The following MPC2 variants were observed in gnomAD, a reference collection of about 807,000 sequenced individuals.
MPC2 encodes brain protein 44.
MPC2 carries 19 observed loss-of-function variants against 19.2 expected under a neutral mutation model. The observed-to-expected ratio is 0.99, with a 90% confidence interval of 0.69 to 1.45. The LOEUF is 1.45. MPC2 is among the 40% of genes most tolerant of loss of function. The pLI is 0.00. For missense variants in MPC2, 122 were observed against 153.0 expected (o/e 0.80, Z 1.07); for synonymous variants, 61 against 54.3 (o/e 1.12, Z -0.54).
intron 1 of MPC2, 85 bp from the exon 2 acceptor site, chr1:167,935,983 C>T: frequency 1.5e-6 from 1 of 674,396 alleles, no homozygotes; most frequent in Non-Finnish European, 2.6e-6. Flanking sequence ...CCGCGGCTTT[C>T]CCTGCCCGCT....
intron 2 of MPC2, among the ~76,000 whole-genome samples, chr1:167,934,764 C>G (rs1175767035): frequency 1.3e-5 from 2 of 152,174 alleles, no homozygotes; most frequent in South Asian, 2.1e-4. Flanking sequence ...TTCAGTCTTT[C>G]AATTTACAAC....
intron 5 of MPC2, 102 bp from the exon 6 acceptor site, chr1:167,918,461 C>T (rs1670522802): frequency 7.0e-6 from 5 of 713,598 alleles, no homozygotes; most frequent in Non-Finnish European, 1.1e-5. Flanking sequence ...TCTTGGTGGT[C>T]AAGTAGCTAT....
At chr1:167,931,319 A>G (rs1670903275) in intron 2 of MPC2, among the ~76,000 whole-genome samples, 1 of 152,224 alleles carries the variant, frequency 6.6e-6, no homozygotes, top group South Asian at 2.1e-4. Flanking sequence ...CCTGAGTGCC[A>G]GAACAGTGTC....
Position 167,919,990 on chromosome 1 carries a change from A to G in MPC2, c.336T>C (p.Phe112=), listed in dbSNP as rs1308428788. 1 of 1,611,440 alleles carries G rather than the reference A, an allele frequency of 6.2e-7. No individual in the cohort carries two copies. Among genetic ancestry groups the G allele is most frequent in the Non-Finnish European group, 8.5e-7 (1 of 1,178,866 alleles). ...FVGAAGASQL[F]RIWRYNQELK... Reference sequence around the variant, plus strand: ...TCTGGTAGGCTTACCTCCAAATACGAAAAAGCTGAGAGGCTCCTGCTGCCC... The same window carrying G: ...TCTGGTAGGCTTACCTCCAAATACGGAAAAGCTGAGAGGCTCCTGCTGCCC... Residue 112 remains phenylalanine (F), a synonymous_variant, in exon 5 of 6, where the codon TTT becomes TTC. Transcript: ENST00000271373.
Position 167,917,703 on chromosome 1 carries a change from G to T in MPC2, c.*620C>A, listed in dbSNP as rs1280337093. ...ATTTTCTGCTACATTATCAGTTACT[G>T]AGGGTAATTGAAAAATTTAACACTT... On this transcript the variant is annotated 3_prime_UTR_variant, in exon 6 of 6. Coordinates refer to ENST00000271373, the MANE Select transcript of MPC2 (RefSeq NM_001143674.4). The T allele has an allele frequency of 6.6e-6, 1 of 151,794 alleles. No individual in the cohort carries two copies. The highest frequency in any genetic ancestry group is 1.5e-5 in the Non-Finnish European group (1 of 68,002). The allele number at this position is 151,794 out of a possible 1,614,324, so 9.4% of individuals were successfully genotyped here. A position where few individuals can be genotyped will look rare whatever the true frequency, so the allele number is the denominator to read the frequency against.
At chr1:167,924,384 G>C in intron 3 of MPC2, 113 bp downstream of exon 3, 2 of 786,092 alleles carry the variant, frequency 2.5e-6, no homozygotes, top group South Asian at 1.9e-5. Flanking sequence ...AAATCATCTA[G>C]AGGCATACCA....
At position 167,935,866 on chromosome 1, in the gene MPC2, C is replaced by A. The variant is rs1671142637; in HGVS notation, c.-25G>T. 1.3e-6 allele frequency: 2 copies of A among 1,524,230 alleles called. No individual in the cohort carries two copies. The highest frequency in any genetic ancestry group is 2.8e-5 in the African/African-American group (2 of 72,492). The allele number at this position is 1,524,230 out of a possible 1,614,324, so 94.4% of individuals were successfully genotyped here. A position where few individuals can be genotyped will look rare whatever the true frequency, so the allele number is the denominator to read the frequency against. On this transcript the variant is annotated 5_prime_UTR_variant, in exon 2 of 6. Coordinates refer to ENST00000271373, the MANE Select transcript of MPC2 (RefSeq NM_001143674.4). ...TCGCCGCCGAGGGATCGTTGGCAGC[C>A]GGGTGGGAGCGTGGCTGTGTTCTCG...
intron 2 of MPC2, among the ~76,000 whole-genome samples, chr1:167,933,156 T>A (rs1037741104): frequency 2.7e-5 from 4 of 149,584 alleles, no homozygotes; most frequent in Admixed American, 6.7e-5. Flanking sequence ...TATCTATACA[T>A]AAAAACACAT....
At chr1:167,918,908 A>G (rs1280764719) in intron 5 of MPC2, among the ~76,000 whole-genome samples, 27 of 152,010 alleles carry the variant, frequency 1.8e-4, no homozygotes, top group Non-Finnish European at 2.9e-5. Flanking sequence ...AAAACTTTTA[A>G]CAGCTTAGCT....
intron 3 of MPC2, among the ~76,000 whole-genome samples, chr1:167,922,950 T>C (rs1162737717): frequency 2.6e-5 from 4 of 152,190 alleles, no homozygotes; most frequent in African/African-American, 9.6e-5. Context: ...AATAAGTATA[T>C]GTTCAGCATG....
At chr1:167,933,875 G>A (rs939646649) in intron 2 of MPC2, among the ~76,000 whole-genome samples, 4 of 152,176 alleles carry the variant, frequency 2.6e-5, no homozygotes. Context: ...GACAGTTATT[G>A]AGAGTCTAAG....
At chr1:167,920,653 GA>G (rs751799614) in intron 3 of MPC2, 22 bp from the exon 4 acceptor site, 10 of 1,591,744 alleles carry the variant, frequency 6.3e-6, no homozygotes, top group South Asian at 2.3e-5. Context: ...CGCATAGAAA[GA>G]AAAAAAGTAT....
intron 2 of MPC2, among the ~76,000 whole-genome samples, chr1:167,925,555 G>GTT (rs1366544117): frequency 2.0e-5 from 1 of 49,732 alleles, no homozygotes; most frequent in Non-Finnish European, 4.3e-5. Flanking sequence ...GGTTTTTTTT[G>GTT]TTTTTTTTTG....
intron 1 of MPC2, 80 bp downstream of exon 1, chr1:167,936,859 T>C: frequency 3.4e-5 from 26 of 771,016 alleles, no homozygotes; most frequent in Admixed American, 6.6e-5. Context: ...CCCCTCCCCC[T>C]CCTCCCCTCC....
intron 3 of MPC2, among the ~76,000 whole-genome samples, chr1:167,921,242 TTA>T (rs1253973825): frequency 6.6e-6 from 1 of 152,012 alleles, no homozygotes; most frequent in African/African-American, 2.4e-5. Flanking sequence ...TTTTTTTTTT[TTA>T]GACAGTCTCA....
At chr1:167,928,046 T>A (rs1262393991) in intron 2 of MPC2, among the ~76,000 whole-genome samples, 1 of 152,026 alleles carries the variant, frequency 6.6e-6, no homozygotes, top group African/African-American at 2.4e-5. Flanking sequence ...AGTGTTTTCT[T>A]AACTGTTAAA....
At chr1:167,936,668 CTG>C (rs1278214995) in intron 1 of MPC2, 5 of 453,036 alleles carry the variant, frequency 1.1e-5, no homozygotes, top group South Asian at 2.7e-5. Context: ...AGGGAGGAGA[CTG>C]TTGCTGATCT....
chr1:167,928,641 A>G (rs1432121922), intron 2 of MPC2, among the ~76,000 whole-genome samples: 2 of 152,254 alleles, frequency 1.3e-5, no homozygotes, highest in African/African-American at 4.8e-5. Context: ...TGACAATACA[A>G]TGTCACATGT....
rs1670564031 is a variant in MPC2, at chr1:167,920,096, G to A, written c.236-6C>T. 3 of 1,560,218 alleles carry A rather than the reference G, an allele frequency of 1.9e-6. No individual in the cohort carries two copies. In the South Asian group the frequency reaches 3.4e-5, roughly 18 times the overall value. ...GTATCTTGACCAAATAAACCCTGTT[G>A]AAACAAAATGTTACTTTAAAAAGAA... On this transcript the variant is annotated splice_region_variant and splice_polypyrimidine_tract_variant and intron_variant, in intron 4 of 5. Transcript: ENST00000271373.
Sources: gnomAD v4.1 joint callset for allele counts (sites outside exome capture counted in the v4.1 genomes callset) on GRCh38, gnomAD v4.1.1 for gene constraint, MANE v1.5 for transcripts, NCBI Gene and HGNC (gene_info 2026-07-23, HGNC 2026-07-21) for gene names.